The following SBF2 variants were observed in gnomAD, a reference collection of about 807,000 sequenced individuals.
The protein encoded by SBF2 is SET binding factor 2, also known as myotubularin-related protein 13.
A neutral mutation model predicts 225.2 loss-of-function variants in SBF2; 112 were observed. The observed-to-expected ratio is 0.50, with a 90% CI of 0.43 to 0.58. The LOEUF (loss-of-function observed/expected upper bound fraction) is 0.58, where lower values mean the gene tolerates loss of function less well. SBF2 is among the 20% of genes least tolerant of loss of function. The probability of loss-of-function intolerance (pLI) is 0.00; values close to 1 mark genes in which losing one functional copy is unlikely to be tolerated. For missense variants in SBF2, 1,996 were observed against 2,206.2 expected (o/e 0.90, Z 1.91); for synonymous variants, 763 against 773.3 (o/e 0.99, Z 0.22).
chr11:9,938,945 A>G (rs376153450), intron 16 of SBF2, among the ~76,000 whole-genome samples: 1 of 152,130 alleles, frequency 6.6e-6, no homozygotes, highest in African/African-American at 2.4e-5. Context: ...AAAAAATTGT[A>G]AAGGGCAATA....
chr11:10,029,716 GA>G, intron 5 of SBF2, 48 bp downstream of exon 5: 1 of 1,113,108 alleles, frequency 9.0e-7, no homozygotes, highest in Non-Finnish European at 1.4e-6. Flanking sequence ...AACTGGAGGA[GA>G]GGGGAAGAGG....
chr11:9,968,555 C>G lies in SBF2; in HGVS notation c.1396-10G>C, dbSNP rs1348086411. 1 of 1,605,930 alleles carries G rather than the reference C, an allele frequency of 6.2e-7. No homozygotes were observed. The highest frequency in any genetic ancestry group is 1.7e-5 in the Admixed American group (1 of 60,004). On this transcript the variant is annotated splice_polypyrimidine_tract_variant and intron_variant, in intron 13 of 39. Coordinates refer to ENST00000256190, the MANE Select transcript of SBF2 (RefSeq NM_030962.4). The stretch of plus-strand genomic sequence containing the variant: ...GAGGATTTGGATTCTCCTGTAATAT[C>G]AGACATAGGTAAAATTACTCCAAGT...
At chr11:9,856,068 G>C (rs1190543145) in intron 19 of SBF2, among the ~76,000 whole-genome samples, 1 of 152,132 alleles carries the variant, frequency 6.6e-6, no homozygotes, top group Non-Finnish European at 1.5e-5. Context: ...TAGAGAGGAA[G>C]GCATGGTTGA....
At chr11:9,989,708 T>C in intron 12 of SBF2, 113 bp from the exon 13 acceptor site, 1 of 673,038 alleles carries the variant, frequency 1.5e-6, no homozygotes, top group East Asian at 2.8e-5. Flanking sequence ...TACATTATTT[T>C]TAAAACAAAA....
At chr11:9,790,391 G>C (rs1208282160) in intron 34 of SBF2, among the ~76,000 whole-genome samples, 165 bp downstream of exon 34, 3 of 152,154 alleles carry the variant, frequency 2.0e-5, no homozygotes, top group Admixed American at 2.0e-4. Context: ...GTCTCCATTT[G>C]TGTCACAACC....
chr11:10,144,373 C>T (rs941587609), intron 2 of SBF2, among the ~76,000 whole-genome samples: 27 of 151,918 alleles, frequency 1.8e-4, no homozygotes, highest in Non-Finnish European at 8.8e-5. Flanking sequence ...CTGTAGTCCC[C>T]GCTACCTGGG....
intron 6 of SBF2, among the ~76,000 whole-genome samples, chr11:10,015,011 G>A (rs1453249141): frequency 6.6e-6 from 1 of 152,106 alleles, no homozygotes; most frequent in Non-Finnish European, 1.5e-5. Flanking sequence ...TGTGCCCATA[G>A]TTTCAGCTAC....
At chr11:10,147,263 G>A (rs1954934309) in intron 2 of SBF2, among the ~76,000 whole-genome samples, 1 of 152,066 alleles carries the variant, frequency 6.6e-6, no homozygotes, top group South Asian at 2.1e-4. Flanking sequence ...AAAGACACAT[G>A]CACCCATATG....
intron 32 of SBF2, among the ~76,000 whole-genome samples, chr11:9,797,250 C>T (rs1257199194): frequency 1.3e-5 from 2 of 152,130 alleles, no homozygotes; most frequent in Non-Finnish European, 1.5e-5. Flanking sequence ...AATTTAAAGT[C>T]GTGATCTGGA....
At chr11:10,257,699 G>A (rs1960991416) in intron 1 of SBF2, among the ~76,000 whole-genome samples, 1 of 133,896 alleles carries the variant, frequency 7.5e-6, no homozygotes, top group Non-Finnish European at 1.6e-5. Flanking sequence ...AAGAAATGCT[G>A]TACTAAAAAG....
At chr11:10,252,428 A>G (rs1461950158) in intron 1 of SBF2, among the ~76,000 whole-genome samples, 1 of 152,246 alleles carries the variant, frequency 6.6e-6, no homozygotes, top group Non-Finnish European at 1.5e-5. Flanking sequence ...ATGTGTCTGT[A>G]ATAATAGCTA....
chr11:9,860,023 C>T (rs1013788137), intron 17 of SBF2, among the ~76,000 whole-genome samples: 2 of 152,132 alleles, frequency 1.3e-5, no homozygotes, highest in Admixed American at 1.3e-4. Flanking sequence ...TTCATTATGC[C>T]TATCTGCTCA....
At chr11:10,235,322 G>A (rs944087211) in intron 1 of SBF2, among the ~76,000 whole-genome samples, 1 of 152,152 alleles carries the variant, frequency 6.6e-6, no homozygotes, top group African/African-American at 2.4e-5. Flanking sequence ...ATCACCTGAG[G>A]TGAAGAGTTT....
At position 10,169,531 on chromosome 11, in the gene SBF2, G is replaced by C. The variant is rs1956105641; in HGVS notation, c.141+24371C>G. Among the ~76,000 whole-genome samples the C allele has an allele frequency of 1.3e-5, 2 of 152,134 alleles. 1 individual carries two copies. Among genetic ancestry groups the C allele is most frequent in the Admixed American group, 1.3e-4 (2 of 15,270 alleles). The stretch of plus-strand genomic sequence containing the variant: ...GAATCTCGTTCTTCTTATGGTCAAA[G>C]AATACTCCATTGTGTATATTGTCAC... On this transcript the variant is annotated intron_variant, in intron 2 of 39. Coordinates refer to ENST00000256190, the MANE Select transcript of SBF2 (RefSeq NM_030962.4).
At chr11:9,993,712 T>C (rs1484674540) in intron 10 of SBF2, among the ~76,000 whole-genome samples, 1 of 152,200 alleles carries the variant, frequency 6.6e-6, no homozygotes, top group Non-Finnish European at 1.5e-5. Context: ...GTCTTAGCCC[T>C]AGTGGCCTCT....
At chr11:10,073,214 G>A (rs1343778533) in intron 2 of SBF2, among the ~76,000 whole-genome samples, 2 of 152,146 alleles carry the variant, frequency 1.3e-5, no homozygotes, top group Non-Finnish European at 2.9e-5. Flanking sequence ...CTTATCTGAA[G>A]AGAAATAAAG....
intron 9 of SBF2, among the ~76,000 whole-genome samples, chr11:9,994,251 G>T (rs961207549): frequency 1.3e-5 from 2 of 151,876 alleles, no homozygotes; most frequent in African/African-American, 4.8e-5. Context: ...GAGGCAGGCA[G>T]ATCACGAGGT....
intron 1 of SBF2, among the ~76,000 whole-genome samples, chr11:10,304,273 G>T (rs1425127314): frequency 6.6e-6 from 1 of 152,182 alleles, no homozygotes; most frequent in Non-Finnish European, 1.5e-5. Flanking sequence ...GTTTACGATG[G>T]ATTAATGAAG....
chr11:10,184,062 A>G (rs1272673527), intron 2 of SBF2, among the ~76,000 whole-genome samples: 2 of 152,238 alleles, frequency 1.3e-5, no homozygotes, highest in African/African-American at 2.4e-5. Flanking sequence ...ACCATTATAC[A>G]TTGCATACAT....
Sources: allele counts gnomAD v4.1 joint callset (sites outside exome capture counted in the v4.1 genomes callset), GRCh38; gene constraint gnomAD v4.1.1; transcripts MANE v1.5; gene names NCBI Gene and HGNC (gene_info 2026-07-23, HGNC 2026-07-21).